Variants in PEX3 observed in about 807,000 individuals in gnomAD.
PEX3 encodes peroxisomal biogenesis factor 3.
PEX3 carries 30 observed loss-of-function variants against 55.8 expected under a neutral mutation model. The ratio of observed to expected loss-of-function variants is 0.54; its 90% confidence interval spans 0.40 to 0.73. PEX3 has a LOEUF of 0.73. Ranked by LOEUF, PEX3 falls within the 30% of genes least tolerant of loss-of-function variation. The pLI is 0.00. For synonymous variants in PEX3, 135 were observed against 148.4 expected (o/e 0.91, Z 0.66); for missense variants, 351 against 432.8 (o/e 0.81, Z 1.68).
chr6:143,474,886 A>ATG (rs1373636063), intron 9 of PEX3, 30 bp downstream of exon 9: 14 of 1,117,302 alleles, frequency 1.3e-5, no homozygotes, highest in Non-Finnish European at 1.8e-5. Context: ...CAGGAAAAAT[A>ATG]TGTGTGTATG....
Position 143,463,225 on chromosome 6 carries a change from A to G in PEX3, c.287+228A>G, listed in dbSNP as rs1172638300. Among the ~76,000 whole-genome samples the G allele has an allele frequency of 6.6e-6, 1 of 152,224 alleles. No individual in the cohort carries two copies. Among genetic ancestry groups the G allele is most frequent in the Non-Finnish European group, 1.5e-5 (1 of 68,034 alleles). ...ATGATATTTGTATGTATTGTTTTTCATATAAATAGACCTTATAGCACTTTG... is the reference window on the plus strand; with the variant it reads ...ATGATATTTGTATGTATTGTTTTTCGTATAAATAGACCTTATAGCACTTTG... On this transcript the variant is annotated intron_variant, in intron 3 of 11. Transcript: ENST00000367591. This position sits in a 1 kb window ranked among gnomAD's most constrained non-coding sequence, Gnocchi z 5.7.
intron 9 of PEX3, 138 bp downstream of exon 9, chr6:143,474,994 T>C (rs1562655808): frequency 1.8e-6 from 1 of 541,746 alleles, no homozygotes; most frequent in Non-Finnish European, 3.2e-6. Flanking sequence ...CCCCAGCCTT[T>C]AGATAAGATT....
Position 143,468,121 on chromosome 6 carries a change from G to A in PEX3, c.288-1G>A, listed in dbSNP as rs752904598. The A allele has an allele frequency of 9.1e-6, 14 of 1,531,564 alleles. No homozygotes were observed. The highest frequency in any genetic ancestry group is 1.3e-5 in the Non-Finnish European group (14 of 1,107,858). The allele number at this position is 1,531,564 out of a possible 1,614,324, so 94.9% of individuals were successfully genotyped here. A position where few individuals can be genotyped will look rare whatever the true frequency, so the allele number is the denominator to read the frequency against. On this transcript the variant is annotated splice_acceptor_variant, in intron 3 of 11. Coordinates refer to ENST00000367591, the MANE Select transcript of PEX3 (RefSeq NM_003630.3). LOFTEE classifies it high-confidence loss of function. ...TCATATTTTTAAATTTTGTTCTTTA[G>A]GCCTTCAAACAAGCTAGAAATATGG...
rs886814091 is a variant in PEX3, at chr6:143,458,995, A to G, written c.74-90A>G. 4.5e-5 allele frequency: 38 copies of G among 851,178 alleles called. No homozygotes were observed. Among genetic ancestry groups the G allele is most frequent in the Non-Finnish European group, 1.2e-5 (6 of 521,028 alleles). 52.7% of individuals were successfully genotyped at this position (851,178 alleles called of 1,614,324 possible). ...AATGTAATTTTAGCTATCCACTAAT[A>G]TAAAACTTATAATTGCATAAAGTAG... On this transcript the variant is annotated intron_variant, in intron 1 of 11. Transcript: ENST00000367591. This position sits in a 1 kb window ranked among gnomAD's most constrained non-coding sequence, Gnocchi z 6.1.
In PEX3 at chr6:143,482,289, G is replaced by A. The variant is rs368096187; in HGVS notation, c.942-2863G>A. 1.6e-4 allele frequency among the ~76,000 whole-genome samples: 24 copies of A among 152,188 alleles called. No homozygotes were observed. The East Asian group carries it at 3.1e-3, about 20-fold the overall frequency. ...CATTTTAATAAACTGTTAGTTGACC[G>A]TTGGTTTTCTAAGTTAAACTCATGC... On this transcript the variant is annotated intron_variant, in intron 10 of 11. Transcript: ENST00000367591. The surrounding 1 kb of genome is among the most constrained non-coding windows in gnomAD (Gnocchi z 5.5).
At chr6:143,457,944 C>A (rs928021407) in intron 1 of PEX3, among the ~76,000 whole-genome samples, 2 of 152,170 alleles carry the variant, frequency 1.3e-5, no homozygotes, top group Admixed American at 1.3e-4. Context: ...GGATCCCAGG[C>A]AAAGGTGAAG....
intron 1 of PEX3, among the ~76,000 whole-genome samples, chr6:143,452,175 G>A (rs1361692821): frequency 6.6e-6 from 1 of 152,132 alleles, no homozygotes; most frequent in African/African-American, 2.4e-5. Context: ...TCAGATTTTG[G>A]TGATGCTTGA....
Position 143,486,463 on chromosome 6 carries a change from A to T in PEX3, c.1038+1215A>T, listed in dbSNP as rs1780324558. ...AAAATCGATATAATTGATAATAAAA[A>T]CAAATGTTTCAATATGGTAAAAACG... On this transcript the variant is annotated intron_variant, in intron 11 of 11. Coordinates refer to ENST00000367591, the MANE Select transcript of PEX3 (RefSeq NM_003630.3). This position sits in a 1 kb window ranked among gnomAD's most constrained non-coding sequence, Gnocchi z 5.0. 6.6e-6 allele frequency among the ~76,000 whole-genome samples: 1 copy of T among 152,262 alleles called. No individual in the cohort carries two copies. The highest frequency in any genetic ancestry group is 2.1e-4 in the South Asian group (1 of 4,818).
rs1780302501 is a variant in PEX3 at position 143,485,293 on chromosome 6, G to T, written c.1038+45G>T. 9.9e-7 allele frequency: 1 copy of T among 1,013,668 alleles called. No homozygotes were observed. The highest frequency in any genetic ancestry group is 2.4e-5 in the East Asian group (1 of 42,016). 62.8% of individuals were successfully genotyped at this position (1,013,668 alleles called of 1,614,324 possible). A position where few individuals can be genotyped will look rare whatever the true frequency, so the allele number is the denominator to read the frequency against. ...GTGTTATTAAAAGCAAATTATATTT[G>T]TGGTGGTGGTCATGTTTGTCTAACA... is the stretch of plus-strand genomic sequence containing the variant. On this transcript the variant is annotated intron_variant, in intron 11 of 11. Transcript: ENST00000367591. The surrounding 1 kb of genome is among the most constrained non-coding windows in gnomAD (Gnocchi z 5.6).
At chr6:143,457,018 A>C (rs187334509) in intron 1 of PEX3, among the ~76,000 whole-genome samples, 92 of 152,332 alleles carry the variant, frequency 6.0e-4, no homozygotes, top group African/African-American at 2.1e-3. Flanking sequence ...ACTCTGATTA[A>C]AGCAGTGGAC....
Position 143,472,259 on chromosome 6 carries a change from T to C in PEX3, c.678T>C (p.Asn226=). 1 of 1,609,082 alleles carries C rather than the reference T, an allele frequency of 6.2e-7. No individual in the cohort carries two copies. Among genetic ancestry groups the C allele is most frequent in the Admixed American group, 1.7e-5 (1 of 60,014 alleles). ...AGCATAAGTCTTCTTCTTGGATTAA[T>C]AAAGATGGATCCAAACCTTTATTAT... is the stretch of plus-strand genomic sequence containing the variant. ...VEQHKSSSWI[N]KDGSKPLLCH... is the part of the protein sequence containing the mutation. The change falls in exon 8 of 12, where the codon AAT becomes AAC. Residue 226 remains asparagine, a synonymous_variant. Coordinates refer to ENST00000367591, the MANE Select transcript of PEX3 (RefSeq NM_003630.3).
In PEX3 at chr6:143,464,500, A is replaced by G. The variant is rs1779965952; in HGVS notation, c.287+1503A>G. ...AAAATTTAGGAGTATCAAAAAAACC[A>G]AAGGATTAATTTTGATAGATTATCC... On this transcript the variant is annotated intron_variant, in intron 3 of 11. Coordinates refer to ENST00000367591, the MANE Select transcript of PEX3 (RefSeq NM_003630.3). This position sits in a 1 kb window ranked among gnomAD's most constrained non-coding sequence, Gnocchi z 5.8. Among the ~76,000 whole-genome samples the G allele has an allele frequency of 1.3e-5, 2 of 152,040 alleles. No homozygotes were observed. The highest frequency in any genetic ancestry group is 2.9e-5 in the Non-Finnish European group (2 of 67,904).
chr6:143,468,927 G>A (rs1780032509), intron 4 of PEX3, among the ~76,000 whole-genome samples: 1 of 151,102 alleles, frequency 6.6e-6, no homozygotes. Context: ...TGTGGTGTTT[G>A]GTTTTCTGTC....
Position 143,488,747 on chromosome 6 carries a change from T to C in PEX3, c.1039-396T>C, listed in dbSNP as rs1490609275. Among the ~76,000 whole-genome samples the C allele has an allele frequency of 6.6e-6, 1 of 152,138 alleles. No individual in the cohort carries two copies. Among genetic ancestry groups the C allele is most frequent in the African/African-American group, 2.4e-5 (1 of 41,454 alleles). On this transcript the variant is annotated intron_variant, in intron 11 of 11. Transcript: ENST00000367591. This position sits in a 1 kb window ranked among gnomAD's most constrained non-coding sequence, Gnocchi z 4.9. ...ATGTAAAATATGCACTTACTACACA[T>C]ATTCATACCGTATGTTAGATCTTCT...
At chr6:143,460,182 A>G (rs1005006054) in intron 2 of PEX3, among the ~76,000 whole-genome samples, 1 of 152,126 alleles carries the variant, frequency 6.6e-6, no homozygotes, top group Admixed American at 6.6e-5. Context: ...AAAGGCCTTT[A>G]TTATTAGTTT....
intron 1 of PEX3, among the ~76,000 whole-genome samples, chr6:143,452,967 AATT>A (rs1779796148): frequency 1.3e-5 from 2 of 152,222 alleles, no homozygotes; most frequent in Admixed American, 1.3e-4. Context: ...ACAAGAAGAC[AATT>A]ATTATTATCC....
At position 143,479,129 on chromosome 6, in the gene PEX3, T is replaced by C; in HGVS notation, c.872T>C (p.Leu291Pro). The change falls in exon 10 of 12, where the codon CTT becomes CCT. Residue 291 changes from leucine to proline, a missense_variant. Coordinates refer to ENST00000367591, the MANE Select transcript of PEX3 (RefSeq NM_003630.3). This position sits in a 1 kb window ranked among gnomAD's most constrained non-coding sequence, Gnocchi z 4.6. ...NTCLNRGFSR[L>P]LDNMAEFFRP... ...TGTTTAAACCGAGGTTTTAGTAGAC[T>C]TCTAGACAATATGGCTGAGTTCTTT... The C allele has an allele frequency of 1.3e-6, 2 of 1,596,106 alleles. No homozygotes were observed. The highest frequency in any genetic ancestry group is 1.1e-5 in the South Asian group (1 of 90,670).
rs147753371 is a variant in PEX3 at position 143,478,041 on chromosome 6, C to T, written c.819-1035C>T. 2.1e-3 allele frequency among the ~76,000 whole-genome samples: 312 copies of T among 152,130 alleles called. 1 individual carries two copies. The highest frequency in any genetic ancestry group is 7.2e-3 in the African/African-American group (298 of 41,510). On this transcript the variant is annotated intron_variant, in intron 9 of 11. Coordinates refer to ENST00000367591, the MANE Select transcript of PEX3 (RefSeq NM_003630.3). ...AACAGTCCAGATTTCTATTAACTAACAAAAGGATAAAATCTGATGTATTCA... is the reference window on the plus strand; with the variant it reads ...AACAGTCCAGATTTCTATTAACTAATAAAAGGATAAAATCTGATGTATTCA...
Position 143,466,049 on chromosome 6 carries a change from G to A in PEX3, c.288-2073G>A, listed in dbSNP as rs1380653394. Among the ~76,000 whole-genome samples the A allele has an allele frequency of 6.6e-6, 1 of 151,944 alleles. No individual in the cohort carries two copies. The highest frequency in any genetic ancestry group is 2.4e-5 in the African/African-American group (1 of 41,394). On this transcript the variant is annotated intron_variant, in intron 3 of 11. Transcript: ENST00000367591. This position sits in a 1 kb window ranked among gnomAD's most constrained non-coding sequence, Gnocchi z 5.4. ...TTGGAAAGGAAAAGGAAAAAAAATGGATCCTTCCACTAGTGGTTTGAAAAG... is the reference window on the plus strand; with the variant it reads ...TTGGAAAGGAAAAGGAAAAAAAATGAATCCTTCCACTAGTGGTTTGAAAAG...
Sources: allele counts gnomAD v4.1 joint callset (sites outside exome capture counted in the v4.1 genomes callset), GRCh38; gene constraint gnomAD v4.1.1; non-coding constraint Gnocchi (gnomAD v3.1); transcripts MANE v1.5; gene names NCBI Gene and HGNC (gene_info 2026-07-23, HGNC 2026-07-21).